The following SYNJ2 variants were observed in gnomAD, a reference collection of about 807,000 sequenced individuals.
The protein encoded by SYNJ2 is synaptojanin 2.
A neutral mutation model predicts 141.3 loss-of-function variants in SYNJ2; 116 were observed. The ratio of observed to expected loss-of-function variants is 0.82; its 90% confidence interval spans 0.71 to 0.96. SYNJ2 has a LOEUF of 0.96. SYNJ2 is among the 40% of genes least tolerant of loss of function. The pLI is 0.00. For synonymous variants in SYNJ2, 745 were observed against 777.7 expected, an observed-to-expected ratio of 0.96 and a Z score of 0.70; for missense variants, 1,873 against 1,934.8, an observed-to-expected ratio of 0.97 and a Z score of 0.60.
rs1025704800 is a variant in SYNJ2, at chr6:158,095,994, C to T, written c.4121C>T (p.Ala1374Val). 5.6e-6 allele frequency: 9 copies of T among 1,614,102 alleles called. No individual in the cohort carries two copies. The highest frequency in any genetic ancestry group is 1.7e-5 in the Admixed American group (1 of 60,004). ...SDSPSGHPPA[A>V]GTVFPQGDFL... is the part of the protein sequence containing the mutation. Reference sequence around the variant, plus strand: ...AGCCCCTCTGGGCACCCACCTGCCGCGGGCACCGTCTTCCCACAAGGGGAC... The same window carrying T: ...AGCCCCTCTGGGCACCCACCTGCCGTGGGCACCGTCTTCCCACAAGGGGAC... Residue 1374 changes from alanine to valine, a missense_variant, in exon 27 of 27, where the codon GCG becomes GTG. Ala to Val is a moderately conservative substitution (Grantham distance 64). Transcript: ENST00000355585.
chr6:158,059,235 G>A lies in SYNJ2; in HGVS notation c.858-22G>A, dbSNP rs759019819. 25 of 1,536,548 alleles carry A rather than the reference G, an allele frequency of 1.6e-5. No individual in the cohort carries two copies. The African/African-American group carries it at 1.6e-4, about 10-fold the overall frequency. On this transcript the variant is annotated intron_variant, in intron 6 of 26. Coordinates refer to ENST00000355585, the MANE Select transcript of SYNJ2 (RefSeq NM_003898.4). ...CACCTGTGCCCGTGCCCAGCATCAC[G>A]CCCACCCCGCTGCCTTTGCAGGCAC...
chr6:158,091,099 C>G (rs1015917057), intron 25 of SYNJ2, among the ~76,000 whole-genome samples: 1 of 151,314 alleles, frequency 6.6e-6, no homozygotes, highest in Admixed American at 6.6e-5. Context: ...GGGTGGATCA[C>G]GAGGACAGGA....
chr6:158,083,716 C>T, intron 21 of SYNJ2, 119 bp downstream of exon 21: 1 of 1,315,038 alleles, frequency 7.6e-7, no homozygotes. Context: ...GCAGGGCAAG[C>T]CCTCTGTCCC....
chr6:158,055,738 C>A (rs1056579288), intron 6 of SYNJ2, among the ~76,000 whole-genome samples: 2 of 152,152 alleles, frequency 1.3e-5, no homozygotes, highest in African/African-American at 4.8e-5. Context: ...TTGAGTCCTT[C>A]TACCTGAAGC....
intron 13 of SYNJ2, 94 bp downstream of exon 13, chr6:158,068,822 G>C: frequency 7.2e-7 from 1 of 1,383,718 alleles, no homozygotes; most frequent in South Asian, 1.2e-5. Flanking sequence ...GAGCCAGCCT[G>C]CTTCTGAGCC....
At chr6:158,034,740 C>T (rs1010467667) in intron 4 of SYNJ2, among the ~76,000 whole-genome samples, 5 of 152,224 alleles carry the variant, frequency 3.3e-5, no homozygotes, top group Non-Finnish European at 7.3e-5. Flanking sequence ...GCATCTTCGT[C>T]ATGAAGTCTT....
chr6:158,068,180 G>A (rs1316133929), intron 12 of SYNJ2, among the ~76,000 whole-genome samples: 6 of 150,206 alleles, frequency 4.0e-5, no homozygotes, highest in African/African-American at 1.5e-4. Flanking sequence ...AGGGAAACTA[G>A]AGGTTCCAGG....
intron 1 of SYNJ2, among the ~76,000 whole-genome samples, chr6:157,999,433 GT>G: frequency 6.6e-6 from 1 of 152,366 alleles, no homozygotes; most frequent in Non-Finnish European, 1.5e-5. Flanking sequence ...CCCATGGGAT[GT>G]TTGGTTGTCT....
chr6:158,055,962 T>C (rs1346729205), intron 6 of SYNJ2, among the ~76,000 whole-genome samples: 1 of 152,240 alleles, frequency 6.6e-6, no homozygotes, highest in Non-Finnish European at 1.5e-5. Flanking sequence ...TTGACATTCA[T>C]CTATACTAAA....
rs199595114 is a variant in SYNJ2 at position 158,076,695 on chromosome 6, G to A, written c.2362G>A (p.Ala788Thr). 4.1e-5 allele frequency: 66 copies of A among 1,614,106 alleles called. No individual in the cohort carries two copies. The African/African-American group carries it at 4.8e-4, about 12-fold the overall frequency. ...PTYKYDVGSA[A>T]YDTSDKCRTP... ...CTACAAGTATGACGTTGGCTCAGCC[G>A]CCTACGATACAAGCGACAAATGCCG... The change falls in exon 17 of 27, where the codon GCC becomes ACC. Residue 788 changes from alanine (A) to threonine (T), a missense_variant. Coordinates refer to ENST00000355585, the MANE Select transcript of SYNJ2 (RefSeq NM_003898.4).
At chr6:158,061,218 A>G (rs1023568425) in intron 7 of SYNJ2, among the ~76,000 whole-genome samples, 3 of 152,218 alleles carry the variant, frequency 2.0e-5, no homozygotes, top group African/African-American at 7.2e-5. Flanking sequence ...CAGAGGCTGG[A>G]CTGGCCTGAC....
chr6:158,032,083 G>A (rs1779394704), intron 3 of SYNJ2, among the ~76,000 whole-genome samples: 1 of 152,116 alleles, frequency 6.6e-6, no homozygotes, highest in Non-Finnish European at 1.5e-5. Flanking sequence ...TCAAGCAGAG[G>A]AGCGCTGTGG....
At chr6:158,016,964 G>GC (rs1562325833) in intron 1 of SYNJ2, 1 of 1,204,476 alleles carries the variant, frequency 8.3e-7, no homozygotes, top group Non-Finnish European at 1.0e-6. Flanking sequence ...AGCTCCTCCA[G>GC]CCCCCAGGAA....
Position 158,041,367 on chromosome 6 carries a change from C to T in SYNJ2, c.712-1949C>T, listed in dbSNP as rs923102389. 7.2e-5 allele frequency among the ~76,000 whole-genome samples: 11 copies of T among 152,340 alleles called. No homozygotes were observed. The East Asian group carries it at 1.2e-3, about 16-fold the overall frequency. On this transcript the variant is annotated intron_variant, in intron 4 of 26. Transcript: ENST00000355585. ...TCTTCCACTGGTATTAAAAGTTGTTCGCCCAGAATGGAAATGTATCACTTG... is the reference window on the plus strand; with the variant it reads ...TCTTCCACTGGTATTAAAAGTTGTTTGCCCAGAATGGAAATGTATCACTTG...
intron 26 of SYNJ2, among the ~76,000 whole-genome samples, chr6:158,094,336 G>A (rs1291480324): frequency 1.5e-5 from 2 of 134,222 alleles, no homozygotes; most frequent in African/African-American, 5.7e-5. Context: ...CCTAGCAAAC[G>A]TCATGGTCTC....
intron 20 of SYNJ2, 134 bp downstream of exon 20, chr6:158,081,644 CAA>C: frequency 1.7e-6 from 1 of 582,264 alleles, no homozygotes; most frequent in Non-Finnish European, 2.7e-6. Context: ...TTCTCTGAGA[CAA>C]AGTCTTGCTC....
At chr6:158,062,573 T>C (rs1336960775) in intron 8 of SYNJ2, among the ~76,000 whole-genome samples, 1 of 151,928 alleles carries the variant, frequency 6.6e-6, no homozygotes, top group Non-Finnish European at 1.5e-5. Context: ...GGCATAGACT[T>C]AGATTGCTAG....
intron 1 of SYNJ2, among the ~76,000 whole-genome samples, chr6:158,005,102 C>CG (rs1282523822): frequency 7.1e-6 from 1 of 141,634 alleles, no homozygotes. Context: ...TTTTTTGAGA[C>CG]AGTCTTGCTC....
chr6:158,073,904 T>G (rs1782100739), intron 15 of SYNJ2, among the ~76,000 whole-genome samples: 1 of 151,668 alleles, frequency 6.6e-6, no homozygotes, highest in Non-Finnish European at 1.5e-5. Flanking sequence ...GAACTTTGTT[T>G]TTTTTTTTTT....
Sources: gnomAD v4.1 joint callset for allele counts (sites outside exome capture counted in the v4.1 genomes callset) on GRCh38, gnomAD v4.1.1 for gene constraint, MANE v1.5 for transcripts, NCBI Gene and HGNC (gene_info 2026-07-23, HGNC 2026-07-21) for gene names.